TCAF1: variants seen among roughly 807,000 people sequenced by gnomAD.
TCAF1 encodes the protein TRPM8 channel associated factor 1, also known as TRPM8 channel-associated factor 1.
A neutral mutation model predicts 27.3 loss-of-function variants in TCAF1; 4 were observed. The observed-to-expected ratio is 0.15, with a 90% CI of 0.07 to 0.34. The LOEUF is 0.34. Among genes scored for constraint, TCAF1 ranks in the 10% least tolerant of loss-of-function variants. The pLI is 1.00. For synonymous variants in TCAF1, 105 were observed against 167.1 expected, an observed-to-expected ratio of 0.63 and a Z score of 2.87; for missense variants, 257 against 425.8, an observed-to-expected ratio of 0.60 and a Z score of 3.49.
At chr7:143,885,796 A>T (rs1335947342) in intron 1 of TCAF1, among the ~76,000 whole-genome samples, 2 of 152,186 alleles carry the variant, frequency 1.3e-5, no homozygotes, top group Admixed American at 1.3e-4. Context: ...AAACACAGAA[A>T]TTGTATGGAA....
At chr7:143,877,155 C>T (rs570606489) in intron 1 of TCAF1, among the ~76,000 whole-genome samples, 10 of 152,208 alleles carry the variant, frequency 6.6e-5, no homozygotes, top group East Asian at 3.9e-4. Flanking sequence ...AGTGAGAGGC[C>T]GGGAACAGAT....
intron 1 of TCAF1, among the ~76,000 whole-genome samples, chr7:143,890,851 T>C (rs1813609399): frequency 6.6e-6 from 1 of 152,162 alleles, no homozygotes; most frequent in Non-Finnish European, 1.5e-5. Context: ...AAGCTATGCA[T>C]GCAATAGGAG....
chr7:143,897,557 G>T (rs529603407), intron 1 of TCAF1, among the ~76,000 whole-genome samples: 1 of 151,992 alleles, frequency 6.6e-6, no homozygotes, highest in African/African-American at 2.4e-5. Flanking sequence ...TCTGAGGGGG[G>T]TCAGTATCCC....
chr7:143,878,070 TTTCA>T (rs1286376723), intron 1 of TCAF1, among the ~76,000 whole-genome samples: 2 of 152,216 alleles, frequency 1.3e-5, no homozygotes, highest in Non-Finnish European at 2.9e-5. Context: ...TCAGATTTAG[TTTCA>T]TTATTAATTA....
chr7:143,900,162 T>C (rs981771325), intron 1 of TCAF1, among the ~76,000 whole-genome samples: 11 of 152,174 alleles, frequency 7.2e-5, no homozygotes, highest in Non-Finnish European at 1.2e-4. Flanking sequence ...ACAAGTGTAC[T>C]TGAATATTAG....
At chr7:143,884,606 A>G (rs1813292344) in intron 1 of TCAF1, among the ~76,000 whole-genome samples, 1 of 152,162 alleles carries the variant, frequency 6.6e-6, no homozygotes, top group Non-Finnish European at 1.5e-5. Flanking sequence ...ATTCAGAACA[A>G]AAACGCATAC....
At chr7:143,895,114 AT>A (rs1813813037) in intron 1 of TCAF1, among the ~76,000 whole-genome samples, 1 of 151,878 alleles carries the variant, frequency 6.6e-6, no homozygotes, top group African/African-American at 2.4e-5. Context: ...GAACTTATAT[AT>A]ATTTCTGATG....
At chr7:143,899,685 T>C (rs546197064) in intron 1 of TCAF1, among the ~76,000 whole-genome samples, 6 of 151,932 alleles carry the variant, frequency 3.9e-5, no homozygotes, top group African/African-American at 1.2e-4. Context: ...TATAAAGACA[T>C]AGAGAGAAAG....
intron 1 of TCAF1, among the ~76,000 whole-genome samples, chr7:143,877,952 C>T (rs1048119382): frequency 1.3e-5 from 2 of 152,186 alleles, no homozygotes; most frequent in African/African-American, 4.8e-5. Context: ...ATGCTCACTC[C>T]CAACATAATA....
rs73725417 is a variant in TCAF1 at position 143,890,747 on chromosome 7, G to C, written c.-15+11214C>G. On this transcript the variant is annotated intron_variant, in intron 1 of 8. Coordinates refer to ENST00000479870, the MANE Select transcript of TCAF1 (RefSeq NM_014719.3). ...TGGTTCAAGACTATCAAACCAGGTG[G>C]AGCTCAAAGGGCAAAGTTTCAGACA... Among the ~76,000 whole-genome samples, 1,382 of 152,300 alleles carry C rather than the reference G, an allele frequency of 9.1e-3. 24 individuals are homozygous for C. The highest frequency in any genetic ancestry group is 0.031 in the African/African-American group (1,295 of 41,568).
At chr7:143,875,008 A>G (rs1214530309) in intron 2 of TCAF1, among the ~76,000 whole-genome samples, 1 of 152,162 alleles carries the variant, frequency 6.6e-6, no homozygotes, top group Non-Finnish European at 1.5e-5. Flanking sequence ...TTTTTGTCCA[A>G]AAACATAGTA....
At chr7:143,878,255 G>T (rs1164555792) in intron 1 of TCAF1, among the ~76,000 whole-genome samples, 1 of 152,120 alleles carries the variant, frequency 6.6e-6, no homozygotes, top group Admixed American at 6.5e-5. Flanking sequence ...GAGAATTCTT[G>T]CAGTGGAAAA....
intron 1 of TCAF1, among the ~76,000 whole-genome samples, chr7:143,895,193 T>C (rs994715173): frequency 6.6e-6 from 1 of 151,838 alleles, no homozygotes; most frequent in Admixed American, 6.6e-5. Flanking sequence ...AGATGTATGT[T>C]CATGAGAAGT....
chr7:143,879,851 A>G (rs1170409907), intron 1 of TCAF1, among the ~76,000 whole-genome samples: 1 of 152,000 alleles, frequency 6.6e-6, no homozygotes. Context: ...CACACCCACT[A>G]AAGAGTTGCC....
intron 2 of TCAF1, among the ~76,000 whole-genome samples, chr7:143,875,327 C>CTGCT (rs1812634464): frequency 6.6e-6 from 1 of 152,168 alleles, no homozygotes; most frequent in African/African-American, 2.4e-5. Context: ...ACCTACTGAC[C>CTGCT]TGCTATCTGT....
intron 6 of TCAF1, among the ~76,000 whole-genome samples, chr7:143,859,989 T>TATGTATTATGTA (rs1811882392): frequency 3.1e-5 from 1 of 32,140 alleles, no homozygotes; most frequent in Non-Finnish European, 6.8e-5. Context: ...TATTATATAA[T>TATGTATTATGTA]ATATATTATA....
chr7:143,882,666 G>A (rs1586781608), intron 1 of TCAF1: 1 of 863,654 alleles, frequency 1.2e-6, no homozygotes, highest in African/African-American at 1.9e-5. Flanking sequence ...CCCCCCCGCA[G>A]CACCCAGGCC....
At chr7:143,889,421 C>G (rs1262610285) in intron 1 of TCAF1, among the ~76,000 whole-genome samples, 1 of 152,178 alleles carries the variant, frequency 6.6e-6, no homozygotes, top group Non-Finnish European at 1.5e-5. Flanking sequence ...TTACACAATT[C>G]TGACTGAAAA....
chr7:143,875,955 T>C, intron 2 of TCAF1, 34 bp downstream of exon 2: 1 of 1,515,426 alleles, frequency 6.6e-7, no homozygotes, highest in South Asian at 1.4e-5. Flanking sequence ...TTTTCAACCC[T>C]GGAGCCAACT....
Sources: allele counts gnomAD v4.1 joint callset (sites outside exome capture counted in the v4.1 genomes callset), GRCh38; gene constraint gnomAD v4.1.1; transcripts MANE v1.5; gene names NCBI Gene and HGNC (gene_info 2026-07-23, HGNC 2026-07-21).